Variants in ATRNL1 observed in about 807,000 individuals in gnomAD.
ATRNL1 encodes attractin like 1, also known as attractin-like protein 1.
In ATRNL1, 95 loss-of-function variants were observed where a neutral mutation model predicts 182.7. The observed-to-expected ratio is 0.52, with a 90% CI of 0.44 to 0.62. The LOEUF (loss-of-function observed/expected upper bound fraction) is 0.62. Ranked by LOEUF, ATRNL1 falls within the 20% of genes least tolerant of loss-of-function variation. The probability of loss-of-function intolerance (pLI) is 0.00; values close to 1 mark genes in which losing one functional copy is unlikely to be tolerated. For synonymous variants in ATRNL1, 576 were observed against 568.3 expected, an observed-to-expected ratio of 1.01 and a Z score of -0.19; for missense variants, 1,471 against 1,679.5, an observed-to-expected ratio of 0.88 and a Z score of 2.17.
intron 27 of ATRNL1, among the ~76,000 whole-genome samples, chr10:115,788,800 C>T (rs1949456404): frequency 6.6e-6 from 1 of 152,200 alleles, no homozygotes; most frequent in South Asian, 2.1e-4. Context: ...TATAAGCAAC[C>T]TCCTGTGAGA....
rs151202616 is a variant in ATRNL1 at position 115,768,560 on chromosome 10, C to G, written c.3903+41205C>G. 2.5e-3 allele frequency among the ~76,000 whole-genome samples: 380 copies of G among 152,152 alleles called. 9 individuals are homozygous for G. In the Middle Eastern group the frequency reaches 0.034, roughly 14 times the overall value. ...TGACCATCGTTCTACTGACTGTTTT[C>G]TTGGTTACAAGAGAATATGCACCAT... is the stretch of plus-strand genomic sequence containing the variant. On this transcript the variant is annotated intron_variant, in intron 27 of 28. Coordinates refer to ENST00000355044, the MANE Select transcript of ATRNL1 (RefSeq NM_207303.4).
At chr10:115,899,909 A>G (rs1952309084) in intron 28 of ATRNL1, among the ~76,000 whole-genome samples, 1 of 152,216 alleles carries the variant, frequency 6.6e-6, no homozygotes, top group South Asian at 2.1e-4. Flanking sequence ...AAAAAAGTAA[A>G]TATCTTCATC....
chr10:115,813,731 A>C (rs1299041986), intron 27 of ATRNL1, among the ~76,000 whole-genome samples: 5 of 152,240 alleles, frequency 3.3e-5, no homozygotes, highest in African/African-American at 1.2e-4. Context: ...AGATGCCTGA[A>C]TAATAATATG....
chr10:115,321,773 G>C (rs1854597544), intron 18 of ATRNL1, among the ~76,000 whole-genome samples: 1 of 150,580 alleles, frequency 6.6e-6, no homozygotes, highest in African/African-American at 2.4e-5. Context: ...TGAGCAATTA[G>C]GCAAAAGCAA....
chr10:115,463,018 ATGTT>A (rs1411640378), intron 22 of ATRNL1, among the ~76,000 whole-genome samples: 46 of 151,732 alleles, frequency 3.0e-4, no homozygotes, highest in African/African-American at 1.1e-3. Context: ...AAATGAAGTT[ATGTT>A]AAATATATAT....
chr10:115,098,996 A>G (rs1004184218), intron 1 of ATRNL1, among the ~76,000 whole-genome samples: 3 of 152,184 alleles, frequency 2.0e-5, no homozygotes, highest in South Asian at 2.1e-4. Flanking sequence ...TGTCATATGT[A>G]TTTGCATCTG....
chr10:115,206,919 A>G (rs1014805061), intron 8 of ATRNL1, among the ~76,000 whole-genome samples: 45 of 152,064 alleles, frequency 3.0e-4, no homozygotes, highest in African/African-American at 9.9e-4. Flanking sequence ...ACTCCCACCT[A>G]TGAGTGAGAA....
chr10:115,700,454 G>C (rs1280687967), intron 26 of ATRNL1, among the ~76,000 whole-genome samples: 3 of 152,122 alleles, frequency 2.0e-5, no homozygotes, highest in Non-Finnish European at 2.9e-5. Flanking sequence ...TGAGTGATAT[G>C]AAGCATTTTT....
intron 25 of ATRNL1, among the ~76,000 whole-genome samples, chr10:115,528,699 G>A (rs552995062): frequency 3.9e-4 from 59 of 151,688 alleles, no homozygotes; most frequent in Non-Finnish European, 6.3e-4. Context: ...TCTTTTTCTA[G>A]TTCAAGTTGT....
chr10:115,159,125 T>G (rs1296303044), intron 5 of ATRNL1, among the ~76,000 whole-genome samples: 3 of 151,690 alleles, frequency 2.0e-5, no homozygotes, highest in African/African-American at 7.2e-5. Context: ...AATATTATCA[T>G]ATTCAGTAAA....
chr10:115,907,307 A>G (rs1555114787), intron 28 of ATRNL1, among the ~76,000 whole-genome samples: 1 of 152,238 alleles, frequency 6.6e-6, no homozygotes, highest in Non-Finnish European at 1.5e-5. Flanking sequence ...TTTGTATTAC[A>G]GTTTCTATGG....
intron 28 of ATRNL1, among the ~76,000 whole-genome samples, chr10:115,924,249 T>G (rs1953152467): frequency 6.6e-6 from 1 of 152,238 alleles, no homozygotes; most frequent in Admixed American, 6.5e-5. Flanking sequence ...GCTCTTTAGT[T>G]TAATAAGATC....
intron 26 of ATRNL1, among the ~76,000 whole-genome samples, chr10:115,633,425 C>T (rs778618904): frequency 5.3e-5 from 8 of 152,094 alleles, no homozygotes; most frequent in Admixed American, 6.6e-5. Context: ...TGAATTTGGT[C>T]TATAGATTTA....
At chr10:115,381,118 G>A (rs533851768) in intron 19 of ATRNL1, among the ~76,000 whole-genome samples, 3 of 152,072 alleles carry the variant, frequency 2.0e-5, no homozygotes, top group Admixed American at 1.3e-4. Context: ...GTTTTGATTT[G>A]CATTTCCCTA....
chr10:115,638,795 T>C (rs972040246), intron 26 of ATRNL1, among the ~76,000 whole-genome samples: 1 of 152,176 alleles, frequency 6.6e-6, no homozygotes, highest in Non-Finnish European at 1.5e-5. Flanking sequence ...TAGCCAGTAG[T>C]AAAGTAGAGA....
intron 21 of ATRNL1, among the ~76,000 whole-genome samples, chr10:115,427,375 A>G (rs1845951189): frequency 6.6e-6 from 1 of 152,172 alleles, no homozygotes; most frequent in Non-Finnish European, 1.5e-5. Context: ...TTTATCAGAT[A>G]TATGACTTGC....
At chr10:115,444,813 C>A (rs555519930) in intron 21 of ATRNL1, among the ~76,000 whole-genome samples, 1 of 152,114 alleles carries the variant, frequency 6.6e-6, no homozygotes, top group East Asian at 2.0e-4. Context: ...CTCATTGCAA[C>A]TTCCGCCTCT....
chr10:115,232,450 A>T (rs978088454), intron 9 of ATRNL1, among the ~76,000 whole-genome samples: 1 of 152,040 alleles, frequency 6.6e-6, no homozygotes, highest in Admixed American at 6.6e-5. Flanking sequence ...CTTTTTTGAT[A>T]ATAATTTTTT....
At chr10:115,919,704 T>C (rs1376823400) in intron 28 of ATRNL1, among the ~76,000 whole-genome samples, 5 of 152,054 alleles carry the variant, frequency 3.3e-5, no homozygotes, top group Non-Finnish European at 7.4e-5. Flanking sequence ...AAAAACATCA[T>C]TGGGTGGCTT....
Sources: gnomAD v4.1 joint callset for allele counts (sites outside exome capture counted in the v4.1 genomes callset) on GRCh38, gnomAD v4.1.1 for gene constraint, MANE v1.5 for transcripts, NCBI Gene and HGNC (gene_info 2026-07-23, HGNC 2026-07-21) for gene names.